Variants in ABCB1 observed in about 807,000 individuals in gnomAD.
ABCB1 encodes the protein ATP binding cassette subfamily B member 1, also known as ATP-dependent translocase ABCB1.
ABCB1 carries 69 observed loss-of-function variants against 142.0 expected under a neutral mutation model. The ratio of observed to expected loss-of-function variants is 0.49; its 90% CI spans 0.40 to 0.59. The LOEUF (loss-of-function observed/expected upper bound fraction) is 0.59. ABCB1 is among the 20% of genes least tolerant of loss of function. ABCB1 has a pLI of 0.00. For missense variants in ABCB1, 1,326 were observed against 1,554.7 expected (o/e 0.85, Z 2.47); for synonymous variants, 532 against 539.2 (o/e 0.99, Z 0.18).
intron 14 of ABCB1, 116 bp from the exon 15 acceptor site, chr7:87,546,140 T>A (rs1403703958): frequency 3.1e-6 from 3 of 978,568 alleles, no homozygotes; most frequent in African/African-American, 1.6e-5. Flanking sequence ...ATCAAATCTA[T>A]ATAAGATAGC....
At chr7:87,608,552 C>A (rs962583950) in intron 1 of ABCB1, among the ~76,000 whole-genome samples, 2 of 152,132 alleles carry the variant, frequency 1.3e-5, no homozygotes, top group Non-Finnish European at 2.9e-5. Flanking sequence ...AATTTATAAC[C>A]AAACCCTTTG....
intron 20 of ABCB1, among the ~76,000 whole-genome samples, chr7:87,533,560 A>G (rs985621197): frequency 3.9e-5 from 6 of 152,226 alleles, no homozygotes; most frequent in Non-Finnish European, 8.8e-5. Context: ...CACTTCAGAC[A>G]TTACACTGAT....
rs373392030 is a variant in ABCB1, at chr7:87,534,141, G to A, written c.2481+2317C>T. The stretch of plus-strand genomic sequence containing the variant: ...GCAGGTCATAACACCAGAGGAATTT[G>A]AGAGGCAGGAAGAAAAACTGCAATA... On this transcript the variant is annotated intron_variant, in intron 20 of 27. Transcript: ENST00000622132. Among the ~76,000 whole-genome samples the A allele has an allele frequency of 1.7e-4, 26 of 152,270 alleles. 1 individual carries two copies. In the South Asian group the frequency reaches 5.0e-3, roughly 29 times the overall value.
In ABCB1 at chr7:87,553,791, T is replaced by A; in HGVS notation, c.969A>T (p.Ser323=). The change falls in exon 9 of 28, where the codon TCA becomes TCT. Residue 323 remains serine, a synonymous_variant. Coordinates refer to ENST00000622132, the MANE Select transcript of ABCB1 (RefSeq NM_001348946.2). The stretch of plus-strand genomic sequence containing the variant: ...GTACTTGTCCAATAGAATATTCCCC[T>A]GAGAGGACCAAGGTGGTCCCATACC... ...AFWYGTTLVL[S]GEYSIGQVLT... is the part of the protein sequence containing the mutation. 6.2e-7 allele frequency: 1 copy of A among 1,614,148 alleles called. No individual in the cohort carries two copies. Among genetic ancestry groups the A allele is most frequent in the Non-Finnish European group, 8.5e-7 (1 of 1,179,988 alleles).
rs201143383 is a variant in ABCB1, at chr7:87,509,395, A to G, written c.3369T>C (p.Phe1123=). The part of the protein sequence containing the change: ...LGIVSQEPIL[F]DCSIAENIAY... ...CAATGTTCTCAGCAATGCTGCAGTC[A>G]AACAGGATGGGCTCCTGGGACACGA... is the stretch of plus-strand genomic sequence containing the variant. Residue 1123 remains phenylalanine (F), a synonymous_variant, in exon 26 of 28, where the codon TTT becomes TTC. Transcript: ENST00000622132. The G allele has an allele frequency of 5.0e-6, 8 of 1,614,074 alleles. No individual in the cohort carries two copies. Among genetic ancestry groups the G allele is most frequent in the Non-Finnish European group, 5.9e-6 (7 of 1,180,042 alleles).
chr7:87,646,285 T>C (rs1294358392), intron 1 of ABCB1, among the ~76,000 whole-genome samples: 1 of 152,122 alleles, frequency 6.6e-6, no homozygotes, highest in Non-Finnish European at 1.5e-5. Context: ...AGCCATGGCT[T>C]TTTCTTCCCA....
At chr7:87,598,259 A>T (rs1014700940) in intron 2 of ABCB1, among the ~76,000 whole-genome samples, 4 of 152,174 alleles carry the variant, frequency 2.6e-5, no homozygotes, top group African/African-American at 9.7e-5. Flanking sequence ...AAAATTTTAA[A>T]TTACAAATGT....
intron 1 of ABCB1, among the ~76,000 whole-genome samples, chr7:87,626,000 G>C (rs947845946): frequency 7.4e-6 from 1 of 135,966 alleles, no homozygotes. Flanking sequence ...ACATATATAT[G>C]TATATGTACA....
Position 87,566,864 on chromosome 7 carries a change from A to T in ABCB1, c.451T>A (p.Phe151Ile), listed in dbSNP as rs754111890. The stretch of plus-strand genomic sequence containing the variant: ...TCCTGTCGCATTATAGCATGAAAAA[A>T]CTGTTTTCTAATTTTGTGTATTTGT... ...GRQIHKIRKQ[F>I]FHAIMRQEIG... The change falls in exon 6 of 28, where the codon TTT (phenylalanine) becomes ATT (isoleucine). Residue 151 changes from phenylalanine to isoleucine, a missense_variant. Physicochemically the swap from Phe to Ile is conservative, Grantham distance 21. Transcript: ENST00000622132. 5.6e-6 allele frequency: 9 copies of T among 1,613,988 alleles called. No individual in the cohort carries two copies. The Middle Eastern group carries it at 8.2e-4, about 147-fold the overall frequency.
chr7:87,622,638 T>C (rs2130101309), intron 1 of ABCB1, among the ~76,000 whole-genome samples: 1 of 152,304 alleles, frequency 6.6e-6, no homozygotes, highest in African/African-American at 2.4e-5. Flanking sequence ...GTAAAATCCT[T>C]CTTGATTCTT....
chr7:87,519,109 A>C, intron 23 of ABCB1: 1 of 593,884 alleles, frequency 1.7e-6, no homozygotes, highest in Non-Finnish European at 3.0e-6. Flanking sequence ...AAGGTCAACT[A>C]TGTGTGAGCC....
intron 3 of ABCB1, among the ~76,000 whole-genome samples, chr7:87,595,456 C>A (rs2188525): frequency 0.03 from 4,555 of 152,150 alleles, 63 homozygotes; most frequent in Middle Eastern, 0.048. Flanking sequence ...CCATTAAAGA[C>A]AGCATTCTAT....
At chr7:87,604,491 T>G (rs568873695), upstream of ABCB1, among the ~76,000 whole-genome samples, 3 of 152,048 alleles carry the variant, frequency 2.0e-5, no homozygotes, top group South Asian at 6.2e-4. Context: ...CCCTTTCACA[T>G]GTAATGATTT....
At chr7:87,567,064 C>G in intron 5 of ABCB1, 88 bp from the exon 6 acceptor site, 1 of 1,267,108 alleles carries the variant, frequency 7.9e-7, no homozygotes, top group Non-Finnish European at 1.1e-6. Context: ...TATTTTTTCA[C>G]TTATCTGGGT....
intron 21 of ABCB1, among the ~76,000 whole-genome samples, chr7:87,527,463 T>C (rs924074011): frequency 6.6e-6 from 1 of 152,206 alleles, no homozygotes; most frequent in Non-Finnish European, 1.5e-5. Context: ...TTCATTTATC[T>C]TGAAATGGCA....
chr7:87,625,256 CAAAAAAA>C (rs533472824), intron 1 of ABCB1, among the ~76,000 whole-genome samples: 1 of 124,620 alleles, frequency 8.0e-6, no homozygotes, highest in African/African-American at 3.0e-5. Flanking sequence ...GACTGCGTCT[CAAAAAAA>C]AAAAAGAAAA....
chr7:87,550,378 A>G, intron 11 of ABCB1, 82 bp from the exon 12 acceptor site: 1 of 1,607,796 alleles, frequency 6.2e-7, no homozygotes, highest in Non-Finnish European at 8.5e-7. Context: ...AGGTTTAAAT[A>G]TACATGCACT....
chr7:87,631,800 A>G (rs1337102742), intron 1 of ABCB1, among the ~76,000 whole-genome samples: 2 of 152,180 alleles, frequency 1.3e-5, no homozygotes, highest in African/African-American at 4.8e-5. Flanking sequence ...ATCATTAACT[A>G]GTGTGCACTT....
chr7:87,534,472 G>A (rs1388671805), intron 20 of ABCB1, among the ~76,000 whole-genome samples: 1 of 152,068 alleles, frequency 6.6e-6, no homozygotes, highest in Non-Finnish European at 1.5e-5. Flanking sequence ...TTATAAAAAA[G>A]GTTTACTAAA....
Sources: allele counts gnomAD v4.1 joint callset (sites outside exome capture counted in the v4.1 genomes callset), GRCh38; gene constraint gnomAD v4.1.1; transcripts MANE v1.5; gene names NCBI Gene and HGNC (gene_info 2026-07-23, HGNC 2026-07-21).